The following KIR3DL1 variants were observed in gnomAD, a reference collection of about 807,000 sequenced individuals.
The protein encoded by KIR3DL1 is killer cell immunoglobulin like receptor, three Ig domains and long cytoplasmic tail 1, also known as killer cell immunoglobulin-like receptor 3DL1.
A neutral mutation model predicts 40.3 loss-of-function variants in KIR3DL1; 50 were observed. The ratio of observed to expected loss-of-function variants is 1.24; its 90% CI spans 0.99 to 1.57. The LOEUF is 1.57. Among genes scored for constraint, KIR3DL1 ranks in the 40% most tolerant of loss-of-function variants. The pLI, the probability that KIR3DL1 is intolerant of heterozygous loss-of-function variation, is 0.00. For synonymous variants in KIR3DL1, 257 were observed against 207.2 expected (o/e 1.24, Z -2.07); for missense variants, 661 against 559.9 (o/e 1.18, Z -1.82).
intron 3 of KIR3DL1, among the ~76,000 whole-genome samples, chr19:54,819,401 C>A (rs1326383469): frequency 1.6e-5 from 2 of 126,834 alleles, no homozygotes; most frequent in Non-Finnish European, 3.6e-5. Flanking sequence ...CCTGGACATG[C>A]AGCCTGTCCT....
chr19:54,817,048 A>G (rs1208174776), intron 1 of KIR3DL1, among the ~76,000 whole-genome samples: 18 of 101,710 alleles, frequency 1.8e-4, no homozygotes, highest in East Asian at 6.6e-4. Context: ...TGGAGATATG[A>G]TCCTGGAGTG....
chr19:54,829,380 C>T (rs45459293), exon 7 of KIR3DL1: 184,154 of 1,405,896 alleles, frequency 0.13, 30,622 homozygotes, highest in Non-Finnish European at 0.14. Context: ...GACACCTGCA[C>T]ATTCTGATTG....
rs1468451195 is a variant in KIR3DL1, at chr19:54,829,213, A to C, written c.1001-148A>C. 6.0e-6 allele frequency: 4 copies of C among 671,356 alleles called. 1 individual carries two copies. The African/African-American group carries it at 7.3e-5, about 12-fold the overall frequency. 41.6% of individuals were successfully genotyped at this position (671,356 alleles called of 1,614,324 possible). On this transcript the variant is annotated intron_variant, in intron 6 of 8. Transcript: ENST00000391728. ...GTTACTATGAGAGCTATAACTGAGAAAGCAGGAGGAAGCTAGATCTCCCGC... is the reference window on the plus strand; with the variant it reads ...GTTACTATGAGAGCTATAACTGAGACAGCAGGAGGAAGCTAGATCTCCCGC...
At chr19:54,829,251 T>C in intron 6 of KIR3DL1, 110 bp from the exon 7 acceptor site, 1 of 929,156 alleles carries the variant, frequency 1.1e-6, no homozygotes, top group Non-Finnish European at 1.6e-6. Flanking sequence ...TCTGGGTGCT[T>C]GTCCGAAAGA....
exon 9 of KIR3DL1, chr19:54,830,356 C>T (rs1200025448): frequency 7.2e-7 from 1 of 1,397,720 alleles, no homozygotes; most frequent in East Asian, 2.4e-5. Context: ...TCCCATGTAC[C>T]AGCAGCTGGA....
At chr19:54,827,250 G>A (rs538973189) in intron 6 of KIR3DL1, among the ~76,000 whole-genome samples, 68 of 151,452 alleles carry the variant, frequency 4.5e-4, no homozygotes, top group African/African-American at 1.6e-3. Context: ...CCTGGCAAAG[G>A]AGTGACAGAT....
At position 54,816,576 on chromosome 19, in the gene KIR3DL1, G is replaced by C. The variant is rs1488367488; in HGVS notation, c.34+42G>C. The C allele has an allele frequency of 2.5e-6, 4 of 1,606,580 alleles. No individual in the cohort carries two copies. In the African/African-American group the frequency reaches 5.5e-5, roughly 22 times the overall value. ...AATCGAGGGAGGGAGTGCGGGGATG[G>C]AGATCTGGACCTGGAGGTAAAGATA... On this transcript the variant is annotated intron_variant, in intron 1 of 8. Coordinates refer to ENST00000391728, the Ensembl canonical transcript of KIR3DL1.
chr19:54,818,799 G>A (rs1267394216), intron 3 of KIR3DL1, among the ~76,000 whole-genome samples, 200 bp downstream of exon 3: 3 of 151,060 alleles, frequency 2.0e-5, no homozygotes, highest in Non-Finnish European at 2.9e-5. Flanking sequence ...CCTGGAGCCT[G>A]TGACTATTTA....
chr19:54,817,794 A>C lies in KIR3DL1; in HGVS notation c.70+225A>C, dbSNP rs1335247930. 1.4e-5 allele frequency among the ~76,000 whole-genome samples: 2 copies of C among 148,066 alleles called. 1 individual carries two copies. The highest frequency in any genetic ancestry group is 3.0e-5 in the Non-Finnish European group (2 of 67,466). Reference sequence around the variant, plus strand: ...CTAGGGTGCTCCAAGATGGGTGTGCAGGGAGGAAGTGGTGTCAGCAGCAGA... The same window carrying C: ...CTAGGGTGCTCCAAGATGGGTGTGCCGGGAGGAAGTGGTGTCAGCAGCAGA... On this transcript the variant is annotated intron_variant, in intron 2 of 8. Transcript: ENST00000391728.
At position 54,821,734 on chromosome 19, in the gene KIR3DL1, A is replaced by T; in HGVS notation, c.825A>T (p.Thr275=). 2 of 1,608,622 alleles carry T rather than the reference A, an allele frequency of 1.2e-6. 1 individual carries two copies. Among genetic ancestry groups the T allele is most frequent in the Non-Finnish European group, 1.7e-6 (2 of 1,177,230 alleles). Residue 275 remains threonine (T), a synonymous_variant, in exon 5 of 9, where the codon ACA becomes ACT. Coordinates refer to ENST00000391728, the Ensembl canonical transcript of KIR3DL1. ...CTGCAGTGCGCAAGGTCAACAGAAC[A>T]TTCCAGGCAGATTTCCCTCTGGGCC...
chr19:54,826,900 T>C (rs2061925448), intron 6 of KIR3DL1, among the ~76,000 whole-genome samples: 1 of 151,764 alleles, frequency 6.6e-6, no homozygotes, highest in South Asian at 2.1e-4. Flanking sequence ...CACAGGAAAC[T>C]AAGGAGCAAC....
At chr19:54,820,890 G>T (rs552628830) in intron 4 of KIR3DL1, among the ~76,000 whole-genome samples, 1 of 151,104 alleles carries the variant, frequency 6.6e-6, no homozygotes, top group African/African-American at 2.4e-5. Flanking sequence ...CAAGGAGACG[G>T]AGAGAGAGAG....
In KIR3DL1 at chr19:54,825,124, G is replaced by A; in HGVS notation, c.1000+46G>A. 3.9e-6 allele frequency: 5 copies of A among 1,275,394 alleles called. 1 individual carries two copies. The South Asian group carries it at 5.9e-5, about 15-fold the overall frequency. 79.0% of individuals were successfully genotyped at this position (1,275,394 alleles called of 1,614,324 possible). On this transcript the variant is annotated intron_variant, in intron 6 of 8. Transcript: ENST00000391728. ...ATCTCTGCTTTTGGAAACCTGGGGA[G>A]GTGGAAGCCTTGGATGCAAGTGTTG...
At position 54,817,570 on chromosome 19, in the gene KIR3DL1, GT is replaced by G. The variant is rs1292371881; in HGVS notation, c.70+2del. On this transcript the variant is annotated splice_donor_variant, in intron 2 of 8. Coordinates refer to ENST00000391728, the Ensembl canonical transcript of KIR3DL1. LOFTEE classifies it high-confidence loss of function. ...GTCCAGAGGGCCGGTCCACACATGG[GT>G]GAGTCCTTCCCCAAACCTTAGGGTG... 8.6e-6 allele frequency: 13 copies of G among 1,508,376 alleles called. 2 individuals are homozygous for G. The highest frequency in any genetic ancestry group is 1.8e-5 in the Admixed American group (1 of 56,386). The allele number at this position is 1,508,376 out of a possible 1,614,324, so 93.4% of individuals were successfully genotyped here. A position where few individuals can be genotyped will look rare whatever the true frequency, so the allele number is the denominator to read the frequency against.
At chr19:54,829,833 C>G (rs2062120247) in intron 7 of KIR3DL1, 95 bp from the exon 8 acceptor site, 2 of 1,215,482 alleles carry the variant, frequency 1.6e-6, no homozygotes, top group African/African-American at 3.0e-5. Context: ...GGACCTCAGG[C>G]ACCTATGGCC....
chr19:54,829,856 T>G, intron 7 of KIR3DL1, 72 bp from the exon 8 acceptor site: 1 of 1,387,662 alleles, frequency 7.2e-7, no homozygotes, highest in Non-Finnish European at 9.9e-7. Context: ...CCCCTGTTTG[T>G]TGGTATCTGC....
At position 54,823,655 on chromosome 19, in the gene KIR3DL1, G is replaced by T. The variant is rs558446471; in HGVS notation, c.950-1373G>T. ...TGGGATTACAGGCATGTGCCACCAC[G>T]CCTAGCTAATTTTTGTATGTTTAGT... On this transcript the variant is annotated intron_variant, in intron 5 of 8. Transcript: ENST00000391728. Among the ~76,000 whole-genome samples the T allele has an allele frequency of 3.3e-4, 50 of 151,358 alleles. 2 individuals carry two copies. The highest frequency in any genetic ancestry group is 1.2e-3 in the African/African-American group (49 of 41,046).
chr19:54,818,348 C>T (rs2061455271), exon 3 of KIR3DL1: 1 of 1,604,450 alleles, frequency 6.2e-7, no homozygotes, highest in Non-Finnish European at 8.5e-7. Context: ...TCTGCCTGGC[C>T]CAGCGCTGTG....
chr19:54,825,755 T>TTGC (rs147989402), intron 6 of KIR3DL1, among the ~76,000 whole-genome samples: 40,576 of 144,866 alleles, frequency 0.28, 4,640 homozygotes, highest in Non-Finnish European at 0.32. Context: ...CTGCCTTCCC[T>TTGC]CTGAGGATTC....
Sources: gnomAD v4.1 joint callset for allele counts (sites outside exome capture counted in the v4.1 genomes callset) on GRCh38, gnomAD v4.1.1 for gene constraint, MANE v1.5 for transcripts, NCBI Gene and HGNC (gene_info 2026-07-23, HGNC 2026-07-21) for gene names.